The following TRAF2 variants were observed in gnomAD, a reference collection of about 807,000 sequenced individuals.
The protein encoded by TRAF2 is TNF receptor associated factor 2.
In TRAF2, 6 loss-of-function variants were observed where a neutral mutation model predicts 55.6. The ratio of observed to expected loss-of-function variants is 0.11; its 90% CI spans 0.06 to 0.21. The LOEUF (loss-of-function observed/expected upper bound fraction) is 0.21, where lower values mean the gene tolerates loss of function less well. Among genes scored for constraint, TRAF2 ranks in the 10% least tolerant of loss-of-function variants. The probability of loss-of-function intolerance (pLI) is 1.00; values close to 1 mark genes in which losing one functional copy is unlikely to be tolerated. For missense variants in TRAF2, 561 were observed against 684.5 expected, an observed-to-expected ratio of 0.82 and a Z score of 2.01; for synonymous variants, 329 against 276.3, an observed-to-expected ratio of 1.19 and a Z score of -1.89.
At chr9:136,898,367 T>C (rs182153716) in intron 1 of TRAF2, among the ~76,000 whole-genome samples, 261 of 152,314 alleles carry the variant, frequency 1.7e-3, no homozygotes, top group Non-Finnish European at 3.4e-3. Flanking sequence ...CTCTGACCAT[T>C]AGTGTTAACA....
intron 4 of TRAF2, among the ~76,000 whole-genome samples, chr9:136,906,704 A>G (rs1471117045): frequency 6.6e-6 from 1 of 152,188 alleles, no homozygotes; most frequent in African/African-American, 2.4e-5. Context: ...CCAGCCCCTT[A>G]TGGAGGCAGG....
In TRAF2 at chr9:136,920,520, G is replaced by T. The variant is rs373202107; in HGVS notation, c.960+5G>T. 8.7e-6 allele frequency: 14 copies of T among 1,603,758 alleles called. No homozygotes were observed. The highest frequency in any genetic ancestry group is 1.2e-5 in the Non-Finnish European group (14 of 1,173,704). On this transcript the variant is annotated splice_donor_5th_base_variant and intron_variant, in intron 8 of 10. Transcript: ENST00000247668. ...ATTGAAGCCCTGAGTAGCAAGGTTT[G>T]TGCCTGCCGGGTGGCCAGCCATGAG...
chr9:136,898,977 T>A (rs990636337), intron 2 of TRAF2, 49 bp downstream of exon 2: 1 of 1,537,660 alleles, frequency 6.5e-7, no homozygotes, highest in South Asian at 1.2e-5. Context: ...GCTAGGCTGG[T>A]TTTAGAGCCA....
At chr9:136,921,751 C>A (rs1850391267) in intron 9 of TRAF2, among the ~76,000 whole-genome samples, 1 of 151,676 alleles carries the variant, frequency 6.6e-6, no homozygotes, top group Non-Finnish European at 1.5e-5. Flanking sequence ...CTCGTGGGGT[C>A]TCCCCTGGAG....
At chr9:136,900,578 C>A in intron 4 of TRAF2, 58 bp downstream of exon 4, 1 of 1,405,242 alleles carries the variant, frequency 7.1e-7, no homozygotes, top group East Asian at 2.3e-5. Flanking sequence ...GAGTCGTCCA[C>A]GCTCCCCAAG....
chr9:136,916,504 CAG>C (rs1850245283), intron 6 of TRAF2, 35 bp from the exon 7 acceptor site: 2 of 1,606,520 alleles, frequency 1.2e-6, no homozygotes, highest in South Asian at 1.1e-5. Flanking sequence ...TGCATCAGAA[CAG>C]AGAAAGATGG....
intron 10 of TRAF2, among the ~76,000 whole-genome samples, chr9:136,924,416 G>T (rs1238897210): frequency 6.6e-6 from 1 of 151,762 alleles, no homozygotes; most frequent in African/African-American, 2.4e-5. Flanking sequence ...AGAAAAATTA[G>T]CCGGGCATGG....
upstream of TRAF2, chr9:136,882,805 CCAAT>C (rs1452435123): frequency 4.2e-6 from 4 of 943,646 alleles, no homozygotes; most frequent in East Asian, 1.2e-4. Context: ...AGGCCGCTTC[CCAAT>C]CAGTGTGTGC....
chr9:136,910,215 C>T (rs1850071710), intron 6 of TRAF2: 6 of 598,680 alleles, frequency 1.0e-5, no homozygotes, highest in Admixed American at 2.9e-5. Flanking sequence ...CTTCCTCATC[C>T]TCCAGTGTAC....
intron 1 of TRAF2, among the ~76,000 whole-genome samples, chr9:136,888,738 A>G (rs1368506379): frequency 6.6e-6 from 1 of 152,184 alleles, no homozygotes; most frequent in Non-Finnish European, 1.5e-5. Flanking sequence ...ATGTTCACAC[A>G]CCAGAGTCAG....
In TRAF2 at chr9:136,889,263, T is replaced by G. The variant is rs563313771; in HGVS notation, c.-29+2722T>G. The stretch of plus-strand genomic sequence containing the variant: ...GACGGAGTCTCGCTCTGTCCCCCGG[T>G]GTGAGCCACCACGCCTGGCCTTTTT... On this transcript the variant is annotated intron_variant, in intron 1 of 10. Coordinates refer to ENST00000247668, the MANE Select transcript of TRAF2 (RefSeq NM_021138.4). Among the ~76,000 whole-genome samples, 82 of 149,376 alleles carry G rather than the reference T, an allele frequency of 5.5e-4. No homozygotes were observed. The Middle Eastern group carries it at 0.014, about 25-fold the overall frequency.
At position 136,925,877 on chromosome 9, in the gene TRAF2, C is replaced by T. The variant is rs1004952202; in HGVS notation, c.1482C>T (p.Ala494=). The T allele has an allele frequency of 3.1e-6, 5 of 1,614,224 alleles. No homozygotes were observed. Among genetic ancestry groups the T allele is most frequent in the Non-Finnish European group, 4.2e-6 (5 of 1,180,046 alleles). ...YVRDDAIFIK[A]IVDLTGL ...GGGACGATGCCATCTTCATCAAGGC[C>T]ATTGTGGACCTGACAGGGCTCTAAC... The change falls in exon 11 of 11, where the codon GCC becomes GCT. Residue 494 remains alanine, a synonymous_variant. Transcript: ENST00000247668.
intron 1 of TRAF2, among the ~76,000 whole-genome samples, chr9:136,889,962 A>C (rs1429146532): frequency 2.1e-5 from 3 of 145,186 alleles, no homozygotes; most frequent in African/African-American, 5.2e-5. Flanking sequence ...TCCCCACCGC[A>C]CGCTCGTTCA....
intron 7 of TRAF2, 141 bp from the exon 8 acceptor site, chr9:136,920,093 A>G (rs1850347761): frequency 1.9e-6 from 2 of 1,076,654 alleles, no homozygotes; most frequent in Non-Finnish European, 1.3e-6. Flanking sequence ...AGGATCAGCC[A>G]TGACCAGGCC....
At chr9:136,898,553 G>A in intron 1 of TRAF2, 160 bp from the exon 2 acceptor site, 1 of 984,290 alleles carries the variant, frequency 1.0e-6, no homozygotes, top group Non-Finnish European at 1.2e-6. Flanking sequence ...GGGTCTCCAA[G>A]GCTCCCTGAA....
At chr9:136,915,343 C>T (rs555064699) in intron 6 of TRAF2, among the ~76,000 whole-genome samples, 4 of 152,176 alleles carry the variant, frequency 2.6e-5, no homozygotes, top group South Asian at 2.1e-4. Flanking sequence ...GTGGGAGCAC[C>T]GTCTCCCGAG....
chr9:136,886,247 C>T, upstream of TRAF2: 1 of 273,718 alleles, frequency 3.7e-6, no homozygotes, highest in Non-Finnish European at 5.6e-6. Context: ...CGCCCCGGCG[C>T]GCTCTTTGAG....
chr9:136,903,931 C>T (rs1023785725), intron 4 of TRAF2, among the ~76,000 whole-genome samples: 2 of 152,220 alleles, frequency 1.3e-5, no homozygotes, highest in African/African-American at 4.8e-5. Context: ...ATCCGCCTGC[C>T]TCGGCCTCCC....
chr9:136,909,805 T>C, intron 5 of TRAF2, 115 bp from the exon 6 acceptor site: 1 of 1,018,434 alleles, frequency 9.8e-7, no homozygotes. Flanking sequence ...GGCTGGAGGG[T>C]GACCACGTGC....
Sources: gnomAD v4.1 joint callset for allele counts (sites outside exome capture counted in the v4.1 genomes callset) on GRCh38, gnomAD v4.1.1 for gene constraint, MANE v1.5 for transcripts, NCBI Gene and HGNC (gene_info 2026-07-23, HGNC 2026-07-21) for gene names.